GPC4: variants seen among roughly 807,000 people sequenced by gnomAD.
GPC4 encodes glypican-4.
In GPC4, 10 loss-of-function variants were observed where a neutral mutation model predicts 35.0. The observed-to-expected ratio is 0.29, with a 90% CI of 0.18 to 0.48. The LOEUF is 0.48. Ranked by LOEUF, GPC4 falls within the 20% of genes least tolerant of loss-of-function variation. GPC4 has a pLI of 0.99. For missense variants in GPC4, 322 were observed against 451.3 expected (o/e 0.71, Z 2.60); for synonymous variants, 167 against 170.2 (o/e 0.98, Z 0.15).
intron 1 of GPC4, among the ~76,000 whole-genome samples, chrX:133,363,170 T>A (rs1351389280): frequency 1.8e-5 from 2 of 111,688 alleles, no homozygotes; most frequent in East Asian, 5.6e-4. Flanking sequence ...TATCATTTTT[T>A]AGTTATTTTT....
At chrX:133,340,647 C>T (rs2068462673) in intron 1 of GPC4, among the ~76,000 whole-genome samples, 1 of 112,268 alleles carries the variant, frequency 8.9e-6, no homozygotes, top group East Asian at 2.8e-4. Context: ...TGTGTACTTA[C>T]AGGAAATAGG....
At position 133,414,469 on chromosome X, in the gene GPC4, G is replaced by A. The variant is rs1465004838; in HGVS notation, c.160+337C>T. 4 of 750,249 alleles carry A rather than the reference G, an allele frequency of 5.3e-6. No individual in the cohort carries two copies. In the South Asian group the frequency reaches 2.8e-4, roughly 52 times the overall value. 61.8% of individuals were successfully genotyped at this position (750,249 alleles called of 1,213,427 possible). On this transcript the variant is annotated intron_variant, in intron 1 of 8. Coordinates refer to ENST00000370828, the MANE Select transcript of GPC4 (RefSeq NM_001448.3). ...AGTAGCCGGTGACACGCACTTTGAGGGCCACAGTCCTCAGGGGCTTCCCGG... is the reference window on the plus strand; with the variant it reads ...AGTAGCCGGTGACACGCACTTTGAGAGCCACAGTCCTCAGGGGCTTCCCGG...
chrX:133,323,841 A>T (rs1167599612), intron 3 of GPC4, among the ~76,000 whole-genome samples: 3 of 112,132 alleles, frequency 2.7e-5, no homozygotes, highest in Non-Finnish European at 3.8e-5. Context: ...TGGGTATGGC[A>T]GTATTAACCT....
chrX:133,342,317 G>A (rs1038690757), intron 1 of GPC4, among the ~76,000 whole-genome samples: 6 of 110,992 alleles, frequency 5.4e-5, no homozygotes, highest in East Asian at 2.8e-4. Flanking sequence ...GATTACAGGC[G>A]CGAGCCACCA....
chrX:133,319,467 A>G (rs1479997850), intron 3 of GPC4, among the ~76,000 whole-genome samples: 2 of 106,098 alleles, frequency 1.9e-5, no homozygotes, highest in Non-Finnish European at 3.9e-5. Context: ...AAAAAAAAAA[A>G]AAAAGAAAGA....
intron 4 of GPC4, among the ~76,000 whole-genome samples, chrX:133,309,368 CTT>C (rs1027153431): frequency 8.9e-6 from 1 of 112,494 alleles, no homozygotes; most frequent in African/African-American, 3.2e-5. Context: ...CTTAAGTCCT[CTT>C]TGTTTTCGAG....
At chrX:133,405,307 CCATG>C (rs1244324019) in intron 1 of GPC4, among the ~76,000 whole-genome samples, 2 of 110,782 alleles carry the variant, frequency 1.8e-5, no homozygotes, top group African/African-American at 6.6e-5. Flanking sequence ...CGGGGTTTCT[CCATG>C]TTGGTCAGGC....
At chrX:133,414,004 TTCCTGTAATCAG>T (rs2068825206) in intron 1 of GPC4, among the ~76,000 whole-genome samples, 1 of 111,387 alleles carries the variant, frequency 9.0e-6, no homozygotes, top group African/African-American at 3.3e-5. Context: ...AGATTCAGGT[TTCCTGTAATCAG>T]TCCTTTCAAA....
At position 133,329,395 on chromosome X, in the gene GPC4, C is replaced by T. The variant is rs955642889; in HGVS notation, c.320-4859G>A. Among the ~76,000 whole-genome samples, 60 of 111,849 alleles carry T rather than the reference C, an allele frequency of 5.4e-4. 1 individual carries two copies. Among genetic ancestry groups the T allele is most frequent in the African/African-American group, 1.9e-3 (59 of 30,860 alleles). Reference sequence around the variant, plus strand: ...TTTTATCTTTCCTAGTGGAGTCAAACATTATCCATCTGAGGGGACATAAAT... The same window carrying T: ...TTTTATCTTTCCTAGTGGAGTCAAATATTATCCATCTGAGGGGACATAAAT... On this transcript the variant is annotated intron_variant, in intron 2 of 8. Coordinates refer to ENST00000370828, the MANE Select transcript of GPC4 (RefSeq NM_001448.3).
chrX:133,341,925 G>C (rs948817414), intron 1 of GPC4, among the ~76,000 whole-genome samples: 1 of 109,160 alleles, frequency 9.2e-6, no homozygotes, highest in Non-Finnish European at 1.9e-5. Flanking sequence ...AAGGCCCAGA[G>C]TGGCCCATGC....
At chrX:133,359,330 G>A (rs2049490862) in intron 1 of GPC4, among the ~76,000 whole-genome samples, 1 of 111,118 alleles carries the variant, frequency 9.0e-6, no homozygotes, top group Non-Finnish European at 1.9e-5. Context: ...AGTCGCCCCA[G>A]AATAATTACT....
intron 1 of GPC4, among the ~76,000 whole-genome samples, chrX:133,371,959 C>T (rs2068614115): frequency 9.0e-6 from 1 of 111,098 alleles, no homozygotes; most frequent in Non-Finnish European, 1.9e-5. Flanking sequence ...GAAGGCCGGG[C>T]GCGGTGGCTC....
chrX:133,398,730 T>C (rs1429434095), intron 1 of GPC4, among the ~76,000 whole-genome samples: 3 of 107,020 alleles, frequency 2.8e-5, no homozygotes, highest in Non-Finnish European at 5.8e-5. Flanking sequence ...ATTGTGCCAC[T>C]GCACTTTAGC....
At chrX:133,355,785 G>T (rs2124147414) in intron 1 of GPC4, among the ~76,000 whole-genome samples, 1 of 111,183 alleles carries the variant, frequency 9.0e-6, no homozygotes, top group African/African-American at 3.3e-5. Flanking sequence ...TCCCCCGGGA[G>T]AAAAGTGAGT....
At chrX:133,319,200 T>C (rs2124115812) in intron 3 of GPC4, among the ~76,000 whole-genome samples, 1 of 110,040 alleles carries the variant, frequency 9.1e-6, no homozygotes, top group African/African-American at 3.3e-5. Flanking sequence ...TCCCAGCACT[T>C]TGGGAAGCTA....
chrX:133,357,095 T>C (rs1203084015), intron 1 of GPC4, among the ~76,000 whole-genome samples: 1 of 110,666 alleles, frequency 9.0e-6, no homozygotes, highest in Admixed American at 9.6e-5. Flanking sequence ...AAAAAAATAA[T>C]TTTTAGGGCC....
chrX:133,380,388 G>T (rs2068655436), intron 1 of GPC4, among the ~76,000 whole-genome samples: 1 of 92,646 alleles, frequency 1.1e-5, no homozygotes, highest in African/African-American at 4.2e-5. Flanking sequence ...GTTCCTGGAT[G>T]GCAAGAAGTT....
At chrX:133,406,769 A>G (rs1157649952) in intron 1 of GPC4, among the ~76,000 whole-genome samples, 171 of 98,716 alleles carry the variant, frequency 1.7e-3, no homozygotes, top group African/African-American at 6.4e-3. Flanking sequence ...AAAAAAAAAA[A>G]GAAAATTAAA....
At chrX:133,379,694 G>A (rs756786544) in intron 1 of GPC4, among the ~76,000 whole-genome samples, 13 of 111,479 alleles carry the variant, frequency 1.2e-4, no homozygotes, top group Admixed American at 1.9e-4. Context: ...GGAAAGTGAG[G>A]GAGGGGTCAT....
Sources: allele counts gnomAD v4.1 joint callset (sites outside exome capture counted in the v4.1 genomes callset), GRCh38; gene constraint gnomAD v4.1.1; transcripts MANE v1.5; gene names NCBI Gene and HGNC (gene_info 2026-07-23, HGNC 2026-07-21).